The following PLXNA2 variants were observed in gnomAD, a reference collection of about 807,000 sequenced individuals.
The protein encoded by PLXNA2 is plexin-A2.
PLXNA2 carries 91 observed loss-of-function variants against 193.5 expected under a neutral mutation model. That is an observed-to-expected ratio of 0.47 (90% CI 0.40 to 0.56). The LOEUF (loss-of-function observed/expected upper bound fraction) is 0.56, where lower values mean the gene tolerates loss of function less well. Among genes scored for constraint, PLXNA2 ranks in the 20% least tolerant of loss-of-function variants. The pLI, the probability that PLXNA2 is intolerant of heterozygous loss-of-function variation, is 0.00. For missense variants in PLXNA2, 1,995 were observed against 2,503.2 expected (o/e 0.80, Z 4.33); for synonymous variants, 997 against 1,027.3 (o/e 0.97, Z 0.56).
intron 1 of PLXNA2, among the ~76,000 whole-genome samples, chr1:208,229,126 C>T (rs1453075920): frequency 2.6e-5 from 4 of 152,180 alleles, no homozygotes; most frequent in East Asian, 1.9e-4. Flanking sequence ...CCTCAGTACA[C>T]AGGCTAAATT....
chr1:208,160,826 C>T (rs1212653384), intron 3 of PLXNA2, among the ~76,000 whole-genome samples: 1 of 152,218 alleles, frequency 6.6e-6, no homozygotes, highest in Non-Finnish European at 1.5e-5. Context: ...GCCCACTGGG[C>T]CTTGTACTAT....
intron 3 of PLXNA2, among the ~76,000 whole-genome samples, chr1:208,207,865 T>A (rs1008852080): frequency 6.6e-6 from 1 of 152,170 alleles, no homozygotes; most frequent in East Asian, 1.9e-4. Context: ...AGGGGTGTCA[T>A]GAGCTCATAG....
rs1189518561 is a variant in PLXNA2 at position 208,084,508 on chromosome 1, C to T, written c.2170G>A (p.Ala724Thr). The change falls in exon 10 of 32, where the codon GCG (alanine) becomes ACG (threonine). Residue 724 changes from alanine (A) to threonine (T), a missense_variant. Physicochemically the swap from Ala to Thr is moderately conservative, Grantham distance 58. Around this residue, in one of 3 missense-constraint regions of PLXNA2, gnomAD observed 1,291 missense variants for 1,673.6 expected, o/e 0.77. Transcript: ENST00000367033. ...GACTGCGGCTGGGGCAGATTTCGCG[C>T]CTTAAGGGTGATTGGCTTTACCTCC... ...VGEVKPITLK[A>T]RNLPQPQSGQ... 34 of 1,614,116 alleles carry T rather than the reference C, an allele frequency of 2.1e-5. No individual in the cohort carries two copies. The Middle Eastern group carries it at 4.9e-4, about 23-fold the overall frequency.
At chr1:208,063,522 C>T (rs1322127727) in intron 12 of PLXNA2, among the ~76,000 whole-genome samples, 1 of 152,162 alleles carries the variant, frequency 6.6e-6, no homozygotes, top group Non-Finnish European at 1.5e-5. Context: ...ATGGGTAGTT[C>T]CAGCTAGCAG....
rs1460760885 is a variant in PLXNA2, at chr1:208,169,362, G to C, written c.1372-26899C>G. On this transcript the variant is annotated intron_variant, in intron 3 of 31. Coordinates refer to ENST00000367033, the MANE Select transcript of PLXNA2 (RefSeq NM_025179.4). ...AGTTCGGACGGGTCACACATGATCA[G>C]CAAGTCTGGACCATCAGCCTTGTCT... 3.3e-5 allele frequency among the ~76,000 whole-genome samples: 5 copies of C among 152,248 alleles called. No homozygotes were observed. In the East Asian group the frequency reaches 9.6e-4, roughly 29 times the overall value.
At chr1:208,137,453 G>A (rs1056967059) in intron 4 of PLXNA2, among the ~76,000 whole-genome samples, 2 of 152,174 alleles carry the variant, frequency 1.3e-5, no homozygotes, top group Non-Finnish European at 2.9e-5. Context: ...CTTGTTGCTT[G>A]GTTTTTCACT....
chr1:208,040,057 T>A lies in PLXNA2; in HGVS notation c.4288A>T (p.Thr1430Ser). 6.2e-7 allele frequency: 1 copy of A among 1,613,840 alleles called. No individual in the cohort carries two copies. Among genetic ancestry groups the A allele is most frequent in the Non-Finnish European group, 8.5e-7 (1 of 1,179,832 alleles). ...KNHPKLLLRRTESVAEKMLTN... is the reference protein window; with the variant it reads ...KNHPKLLLRRSESVAEKMLTN... ...AGCATCTTTTCAGCCACAGACTCTG[T>A]CCTGGGGAAGGGACAAAGGGTAAGG... Residue 1430 changes from threonine (T) to serine (S), a missense_variant and splice_region_variant, in exon 23 of 32, where the codon ACA becomes TCA. Physicochemically the swap from Thr to Ser is moderately conservative, Grantham distance 58. Transcript: ENST00000367033.
intron 27 of PLXNA2, among the ~76,000 whole-genome samples, chr1:208,034,124 C>A (rs901621612): frequency 6.6e-6 from 1 of 152,250 alleles, no homozygotes; most frequent in African/African-American, 2.4e-5. Context: ...AACTGGGACA[C>A]TTCTGAGAGT....
intron 3 of PLXNA2, among the ~76,000 whole-genome samples, chr1:208,161,778 G>C (rs933141915): frequency 2.6e-5 from 4 of 152,184 alleles, no homozygotes; most frequent in Admixed American, 2.6e-4. Context: ...TTCATCTCCA[G>C]CCTCTCTCCC....
chr1:208,233,313 T>C, intron 1 of PLXNA2, among the ~76,000 whole-genome samples: 1 of 152,202 alleles, frequency 6.6e-6, no homozygotes, highest in East Asian at 1.9e-4. Context: ...AACTTTAAAA[T>C]TTCTTGCAAG....
intron 3 of PLXNA2, among the ~76,000 whole-genome samples, chr1:208,194,692 G>A (rs998504137): frequency 6.6e-5 from 10 of 151,936 alleles, no homozygotes; most frequent in Admixed American, 3.3e-4. Context: ...ACAAAACCCC[G>A]CCATGCACTA....
chr1:208,199,338 C>A lies in PLXNA2; in HGVS notation c.1371+10942G>T, dbSNP rs181414674. On this transcript the variant is annotated intron_variant, in intron 3 of 31. Transcript: ENST00000367033. ...AAAATCCCTAGATCAATTTTAAGTT[C>A]GGCATAGGAAATGCCTGCATGCTAG... 9.0e-4 allele frequency among the ~76,000 whole-genome samples: 137 copies of A among 152,286 alleles called. 1 individual carries two copies. The highest frequency in any genetic ancestry group is 1.2e-3 in the Non-Finnish European group (85 of 68,026).
rs1447262012 is a variant in PLXNA2 at position 208,082,187 on chromosome 1, T to A, written c.2395+225A>T. Among the ~76,000 whole-genome samples the A allele has an allele frequency of 6.6e-6, 1 of 152,162 alleles. No individual in the cohort carries two copies. Among genetic ancestry groups the A allele is most frequent in the Non-Finnish European group, 1.5e-5 (1 of 68,030 alleles). Reference sequence around the variant, plus strand: ...TGCAGGAGCCAAAGAATAACGTGGATGGGCCGGCGGCCGCCCAGCGGATGC... The same window carrying A: ...TGCAGGAGCCAAAGAATAACGTGGAAGGGCCGGCGGCCGCCCAGCGGATGC... On this transcript the variant is annotated intron_variant, in intron 11 of 31. Coordinates refer to ENST00000367033, the MANE Select transcript of PLXNA2 (RefSeq NM_025179.4). The surrounding 1 kb of genome is among the most constrained non-coding windows in gnomAD (Gnocchi z 4.2).
chr1:208,088,349 C>A (rs1666601205), intron 9 of PLXNA2, among the ~76,000 whole-genome samples: 1 of 152,184 alleles, frequency 6.6e-6, no homozygotes, highest in South Asian at 2.1e-4. Context: ...CGACTTCTCC[C>A]ATGTGGAAAT....
intron 3 of PLXNA2, among the ~76,000 whole-genome samples, chr1:208,154,817 A>G (rs1447372299): frequency 6.6e-6 from 1 of 152,238 alleles, no homozygotes; most frequent in East Asian, 1.9e-4. Flanking sequence ...AAGGGAGTTA[A>G]TTCTCACTTT....
intron 2 of PLXNA2, 83 bp downstream of exon 2, chr1:208,216,652 A>C: frequency 6.8e-7 from 1 of 1,467,218 alleles, no homozygotes; most frequent in Non-Finnish European, 9.2e-7. Context: ...GTGGTGTGGG[A>C]GCAGATGTGC....
intron 12 of PLXNA2, among the ~76,000 whole-genome samples, chr1:208,070,945 GT>G (rs1558176653): frequency 6.6e-6 from 1 of 152,070 alleles, no homozygotes. Context: ...TTTCACGAGC[GT>G]CCTGTGCAGG....
chr1:208,186,212 T>G (rs1037458281), intron 3 of PLXNA2, among the ~76,000 whole-genome samples: 1 of 152,140 alleles, frequency 6.6e-6, no homozygotes, highest in Non-Finnish European at 1.5e-5. Flanking sequence ...AAGGCTTGGG[T>G]AGGTGGAGAC....
At chr1:208,033,237 C>T (rs561757934) in intron 28 of PLXNA2, 82 bp downstream of exon 28, 1 of 1,318,510 alleles carries the variant, frequency 7.6e-7, no homozygotes, top group South Asian at 1.3e-5. Context: ...AGGACACACT[C>T]CAGACATCCT....
Sources: gnomAD v4.1 joint callset for allele counts (sites outside exome capture counted in the v4.1 genomes callset) on GRCh38, gnomAD v4.1.1 for gene constraint, gnomAD v4.1.1 regional missense constraint, Gnocchi (gnomAD v3.1) non-coding constraint, MANE v1.5 for transcripts, NCBI Gene and HGNC (gene_info 2026-07-23, HGNC 2026-07-21) for gene names.